The following VPS54 variants were observed in gnomAD, a reference collection of about 807,000 sequenced individuals.
VPS54 encodes the protein vacuolar protein sorting-associated protein 54.
VPS54 carries 45 observed loss-of-function variants against 121.5 expected under a neutral mutation model. The ratio of observed to expected loss-of-function variants is 0.37; its 90% confidence interval spans 0.29 to 0.47. The LOEUF (loss-of-function observed/expected upper bound fraction) is 0.47. Ranked by LOEUF, VPS54 falls within the 20% of genes least tolerant of loss-of-function variation. The pLI is 0.99. For synonymous variants in VPS54, 371 were observed against 385.8 expected (o/e 0.96, Z 0.45); for missense variants, 1,090 against 1,131.4 (o/e 0.96, Z 0.52).
At chr2:63,894,799 G>A (rs1463267942) in intron 22 of VPS54, among the ~76,000 whole-genome samples, 1 of 151,696 alleles carries the variant, frequency 6.6e-6, no homozygotes, top group Non-Finnish European at 1.5e-5. Flanking sequence ...AAAATGCCTA[G>A]TAGAAAGCAA....
intron 12 of VPS54, among the ~76,000 whole-genome samples, chr2:63,926,802 T>C (rs748155980): frequency 2.0e-5 from 3 of 152,120 alleles, no homozygotes; most frequent in African/African-American, 7.2e-5. Context: ...GCTTTTCCTA[T>C]GGTCTTTGCA....
rs561461944 is a variant in VPS54 at position 63,981,922 on chromosome 2, T to C, written c.137-35A>G. 43 of 1,574,934 alleles carry C rather than the reference T, an allele frequency of 2.7e-5. 1 individual carries two copies. The South Asian group carries it at 4.7e-4, about 17-fold the overall frequency. On this transcript the variant is annotated intron_variant, in intron 2 of 22. Coordinates refer to ENST00000272322, the MANE Select transcript of VPS54 (RefSeq NM_016516.3). The stretch of plus-strand genomic sequence containing the variant: ...GTAAACAAGAGAACTCTGTAAATGC[T>C]GTAAAATTGGTTCTATGTTTGAAAG...
intron 1 of VPS54, among the ~76,000 whole-genome samples, chr2:64,005,601 A>G (rs1678108154): frequency 6.6e-6 from 1 of 152,212 alleles, no homozygotes; most frequent in African/African-American, 2.4e-5. Context: ...AATTAAAGGA[A>G]ATGCTAAAAT....
chr2:63,892,250 A>G lies in VPS54; in HGVS notation c.*1180T>C, dbSNP rs1270993202. On this transcript the variant is annotated 3_prime_UTR_variant, in exon 23 of 23. Transcript: ENST00000272322. ...AAACAAGCTTTCCTTTTAAGAAACC[A>G]AAGAGCACAAAATAAGACTGTTTCA... 2 of 152,220 alleles carry G rather than the reference A, an allele frequency of 1.3e-5. No individual in the cohort carries two copies. The highest frequency in any genetic ancestry group is 1.5e-5 in the Non-Finnish European group (1 of 68,024). 9.4% of individuals were successfully genotyped at this position (152,220 alleles called of 1,614,324 possible). A position where few individuals can be genotyped will look rare whatever the true frequency, so the allele number is the denominator to read the frequency against.
At chr2:63,931,007 A>G (rs187223302) in intron 12 of VPS54, among the ~76,000 whole-genome samples, 1 of 150,778 alleles carries the variant, frequency 6.6e-6, no homozygotes, top group Admixed American at 6.6e-5. Context: ...GCTCAAGGAA[A>G]TAAGAGAGGA....
At chr2:63,976,254 A>G (rs1320146308) in intron 3 of VPS54, among the ~76,000 whole-genome samples, 2 of 149,464 alleles carry the variant, frequency 1.3e-5, no homozygotes, top group Middle Eastern at 3.2e-3. Context: ...GGGGTTGCTG[A>G]GATGGGAGGA....
At chr2:63,931,862 T>G (rs1674220215) in intron 12 of VPS54, among the ~76,000 whole-genome samples, 2 of 152,118 alleles carry the variant, frequency 1.3e-5, no homozygotes, top group South Asian at 4.1e-4. Flanking sequence ...AACAGACACT[T>G]CTCAAAAGAG....
chr2:63,912,073 A>T (rs1673173548), intron 20 of VPS54, among the ~76,000 whole-genome samples: 1 of 152,196 alleles, frequency 6.6e-6, no homozygotes, highest in Admixed American at 6.5e-5. Flanking sequence ...CCCTTAGAAT[A>T]TCAACTGTTT....
intron 1 of VPS54, among the ~76,000 whole-genome samples, chr2:64,005,394 C>T (rs1242950039): frequency 2.0e-5 from 3 of 151,934 alleles, no homozygotes; most frequent in Non-Finnish European, 4.4e-5. Flanking sequence ...TGAGCCACCG[C>T]GCCCAGCCTA....
chr2:63,982,621 A>G (rs949720786), intron 2 of VPS54, among the ~76,000 whole-genome samples: 2 of 152,206 alleles, frequency 1.3e-5, no homozygotes, highest in Non-Finnish European at 2.9e-5. Context: ...TAACAGTACT[A>G]TAATTTATGC....
At chr2:63,992,297 A>C (rs1377014482) in intron 1 of VPS54, among the ~76,000 whole-genome samples, 1 of 152,248 alleles carries the variant, frequency 6.6e-6, no homozygotes, top group Non-Finnish European at 1.5e-5. Flanking sequence ...TTCAAGGAAA[A>C]AAGTTTGAGG....
At chr2:64,002,742 T>C (rs566809055) in intron 1 of VPS54, among the ~76,000 whole-genome samples, 2 of 152,194 alleles carry the variant, frequency 1.3e-5, no homozygotes, top group African/African-American at 4.8e-5. Flanking sequence ...GGAAAACATA[T>C]GCACATTCTC....
Position 63,902,555 on chromosome 2 carries a change from T to TA in VPS54, c.2626-2975dup, listed in dbSNP as rs140510193. Among the ~76,000 whole-genome samples the TA allele has an allele frequency of 2.7e-3, 400 of 146,656 alleles. 1 individual carries two copies. Among genetic ancestry groups the TA allele is most frequent in the South Asian group, 6.5e-3 (30 of 4,616 alleles). On this transcript the variant is annotated intron_variant, in intron 20 of 22. Coordinates refer to ENST00000272322, the MANE Select transcript of VPS54 (RefSeq NM_016516.3). ...CTACATACAAGGTTCAGCATTTAAT[T>TA]AAAAAAAAAACAAAATATACAAAAA... is the stretch of plus-strand genomic sequence containing the variant.
intron 1 of VPS54, among the ~76,000 whole-genome samples, chr2:64,009,002 A>T (rs187082788): frequency 3.9e-5 from 6 of 152,356 alleles, no homozygotes; most frequent in African/African-American, 9.6e-5. Context: ...ACTTGATTTC[A>T]GACCATTCAG....
chr2:63,998,562 T>C (rs1677719016), intron 1 of VPS54, among the ~76,000 whole-genome samples: 2 of 152,184 alleles, frequency 1.3e-5, no homozygotes, highest in South Asian at 4.1e-4. Context: ...TTTTTGTGTA[T>C]CTGTTCCATG....
At chr2:63,924,894 T>G (rs1319750760) in intron 12 of VPS54, among the ~76,000 whole-genome samples, 1 of 152,164 alleles carries the variant, frequency 6.6e-6, no homozygotes, top group Non-Finnish European at 1.5e-5. Context: ...ACCCTCATAC[T>G]AAACATAAAA....
chr2:63,972,859 C>T (rs907409574), intron 3 of VPS54, among the ~76,000 whole-genome samples: 4 of 149,388 alleles, frequency 2.7e-5, no homozygotes, highest in African/African-American at 9.9e-5. Flanking sequence ...GCCTGGGTGG[C>T]AGAGTGAGAC....
At position 63,991,639 on chromosome 2, in the gene VPS54, G is replaced by A. The variant is rs190567667; in HGVS notation, c.-20-7620C>T. ...GCTGCTACTGTTTGCTCACGTCGTC[G>A]CAAGGTAAACATTGGGCAAGTACTT... On this transcript the variant is annotated intron_variant, in intron 1 of 22. Transcript: ENST00000272322. 5.1e-4 allele frequency among the ~76,000 whole-genome samples: 78 copies of A among 152,166 alleles called. 1 individual carries two copies. The highest frequency in any genetic ancestry group is 2.6e-3 in the Admixed American group (40 of 15,272).
chr2:63,966,121 A>G (rs150896704), intron 5 of VPS54, among the ~76,000 whole-genome samples, 155 bp from the exon 6 acceptor site: 27 of 152,318 alleles, frequency 1.8e-4, no homozygotes, highest in African/African-American at 5.3e-4. Context: ...ACAAATATCT[A>G]TAAGAAAAAT....
Sources: gnomAD v4.1 joint callset for allele counts (sites outside exome capture counted in the v4.1 genomes callset) on GRCh38, gnomAD v4.1.1 for gene constraint, MANE v1.5 for transcripts, NCBI Gene and HGNC (gene_info 2026-07-23, HGNC 2026-07-21) for gene names.